Variants in EDA observed in about 807,000 individuals in gnomAD.
EDA encodes ectodysplasin A.
In EDA, 2 loss-of-function variants were observed where a neutral mutation model predicts 23.6. That is an observed-to-expected ratio of 0.08 (90% CI 0.03 to 0.27). The LOEUF (loss-of-function observed/expected upper bound fraction) is 0.27. EDA is among the 10% of genes least tolerant of loss of function. The pLI is 1.00. For missense variants in EDA, 229 were observed against 324.2 expected (o/e 0.71, Z 2.26); for synonymous variants, 131 against 132.0 (o/e 0.99, Z 0.05).
At chrX:69,723,097 C>T (rs2012651987) in intron 1 of EDA, among the ~76,000 whole-genome samples, 1 of 111,896 alleles carries the variant, frequency 8.9e-6, no homozygotes, top group South Asian at 3.7e-4. Context: ...TTAAAGTTCT[C>T]AAGGAAGAAG....
chrX:69,707,065 A>G (rs1187762802), intron 1 of EDA, among the ~76,000 whole-genome samples: 2 of 111,781 alleles, frequency 1.8e-5, no homozygotes, highest in African/African-American at 6.5e-5. Flanking sequence ...AACATAAAAT[A>G]TTTTCTCTCT....
intron 1 of EDA, among the ~76,000 whole-genome samples, chrX:69,893,580 T>A (rs1432159397): frequency 8.9e-6 from 1 of 112,448 alleles, no homozygotes; most frequent in Non-Finnish European, 1.9e-5. Context: ...TTACTTCAGA[T>A]CAGTTCATGT....
intron 1 of EDA, among the ~76,000 whole-genome samples, chrX:69,691,818 CA>C (rs1276967726): frequency 9.0e-6 from 1 of 111,250 alleles, no homozygotes; most frequent in Non-Finnish European, 1.9e-5. Context: ...AAAAAGTTAC[CA>C]AAACTTCTTT....
rs189494640 is a variant in EDA, at chrX:69,889,472, T to C, written c.397-67555T>C. 4.4e-3 allele frequency among the ~76,000 whole-genome samples: 494 copies of C among 111,517 alleles called. 2 individuals carry two copies. Among genetic ancestry groups the C allele is most frequent in the African/African-American group, 0.015 (472 of 30,665 alleles). On this transcript the variant is annotated intron_variant, in intron 1 of 7. Coordinates refer to ENST00000374552, the MANE Select transcript of EDA (RefSeq NM_001399.5). ...GCCTTCTGGTTTGTTTTTTTAACAA[T>C]AGTCTTCCAATTGGTGTGAAGTGGT...
intron 1 of EDA, among the ~76,000 whole-genome samples, chrX:69,791,153 A>C (rs2015394820): frequency 8.9e-6 from 1 of 112,024 alleles, no homozygotes; most frequent in Non-Finnish European, 1.9e-5. Context: ...ATATCAATTC[A>C]TGGTCATTTT....
At chrX:69,627,935 T>G (rs184131881) in intron 1 of EDA, among the ~76,000 whole-genome samples, 123 of 111,632 alleles carry the variant, frequency 1.1e-3, no homozygotes, top group Non-Finnish European at 1.9e-3. Flanking sequence ...TCCTGGTGAC[T>G]TCTCTTGGTG....
intron 1 of EDA, among the ~76,000 whole-genome samples, chrX:69,639,613 TTTG>T (rs963871565): frequency 8.9e-5 from 10 of 111,761 alleles, no homozygotes; most frequent in Admixed American, 2.9e-4. Flanking sequence ...TCAGGTTATT[TTTG>T]TTGTTGTTGA....
chrX:70,016,045 G>GAA (rs369409357), intron 2 of EDA, among the ~76,000 whole-genome samples: 2 of 87,184 alleles, frequency 2.3e-5, no homozygotes, highest in African/African-American at 8.5e-5. Flanking sequence ...AATGGAGAAA[G>GAA]AAAAAAAAAA....
intron 1 of EDA, among the ~76,000 whole-genome samples, chrX:69,628,405 G>A (rs989998852): frequency 1.8e-5 from 2 of 111,470 alleles, no homozygotes; most frequent in African/African-American, 6.5e-5. Context: ...GAGTTCTTTC[G>A]ACTCAACCCC....
chrX:69,686,095 G>A (rs1034087286), intron 1 of EDA, among the ~76,000 whole-genome samples: 12 of 111,716 alleles, frequency 1.1e-4, no homozygotes, highest in African/African-American at 1.3e-4. Flanking sequence ...TGCAACCTCC[G>A]CCTCCCAGGT....
intron 1 of EDA, among the ~76,000 whole-genome samples, chrX:69,878,084 C>CT (rs906585896): frequency 4.8e-4 from 53 of 110,601 alleles, no homozygotes; most frequent in African/African-American, 6.2e-4. Flanking sequence ...TTTTCTTTTT[C>CT]TTTTTTTTTG....
chrX:69,645,374 A>G (rs186438549), intron 1 of EDA, among the ~76,000 whole-genome samples: 28 of 106,218 alleles, frequency 2.6e-4, no homozygotes, highest in African/African-American at 8.7e-4. Context: ...TGGATTTTCT[A>G]GTTTATGTTC....
At chrX:69,654,451 A>G (rs746261011) in intron 1 of EDA, among the ~76,000 whole-genome samples, 1,723 of 111,419 alleles carry the variant, frequency 0.015, 30 homozygotes, top group African/African-American at 0.054. Flanking sequence ...TACTGGGTAT[A>G]TACCCAAAGG....
At chrX:69,640,969 G>A (rs991962140) in intron 1 of EDA, among the ~76,000 whole-genome samples, 1 of 111,882 alleles carries the variant, frequency 8.9e-6, no homozygotes, top group African/African-American at 3.2e-5. Context: ...CAGGTTATAA[G>A]TAGCAGAACT....
chrX:69,981,004 A>T (rs2019397454), intron 2 of EDA, among the ~76,000 whole-genome samples: 1 of 112,049 alleles, frequency 8.9e-6, no homozygotes, highest in African/African-American at 3.2e-5. Flanking sequence ...CTTGACTGGA[A>T]GCTTTTTCTA....
chrX:70,031,768 G>C (rs2020203081), intron 6 of EDA, among the ~76,000 whole-genome samples: 1 of 112,675 alleles, frequency 8.9e-6, no homozygotes, highest in African/African-American at 3.2e-5. Context: ...CCAAGGCCCT[G>C]AGTGGGCCAT....
intron 1 of EDA, among the ~76,000 whole-genome samples, chrX:69,807,385 A>T (rs1227338481): frequency 9.8e-6 from 1 of 101,854 alleles, no homozygotes; most frequent in Non-Finnish European, 2.0e-5. Flanking sequence ...GTCTGGGACA[A>T]CATGATGAAG....
chrX:69,874,083 G>C (rs921272380), intron 1 of EDA, among the ~76,000 whole-genome samples: 1 of 111,935 alleles, frequency 8.9e-6, no homozygotes, highest in Non-Finnish European at 1.9e-5. Context: ...GGCCGAGGCA[G>C]GCGGATCACC....
intron 1 of EDA, among the ~76,000 whole-genome samples, chrX:69,646,088 G>A (rs1932921379): frequency 9.0e-6 from 1 of 111,187 alleles, no homozygotes; most frequent in Non-Finnish European, 1.9e-5. Flanking sequence ...CATTTGTTGA[G>A]GGGTATTTTA....
Sources: gnomAD v4.1 joint callset for allele counts (sites outside exome capture counted in the v4.1 genomes callset) on GRCh38, gnomAD v4.1.1 for gene constraint, MANE v1.5 for transcripts, NCBI Gene and HGNC (gene_info 2026-07-23, HGNC 2026-07-21) for gene names.